PRKCE: variants seen among roughly 807,000 people sequenced by gnomAD.
PRKCE encodes the protein protein kinase C epsilon type.
PRKCE carries 16 observed loss-of-function variants against 85.4 expected under a neutral mutation model. The ratio of observed to expected loss-of-function variants is 0.19; its 90% CI spans 0.13 to 0.28. The LOEUF (loss-of-function observed/expected upper bound fraction) is 0.28, where lower values mean the gene tolerates loss of function less well. Ranked by LOEUF, PRKCE falls within the 10% of genes least tolerant of loss-of-function variation. The pLI is 1.00. For missense variants in PRKCE, 573 were observed against 975.2 expected (o/e 0.59, Z 5.49); for synonymous variants, 388 against 371.5 (o/e 1.04, Z -0.51).
chr2:45,941,222 C>T (rs919226199), intron 2 of PRKCE, among the ~76,000 whole-genome samples: 1 of 152,156 alleles, frequency 6.6e-6, no homozygotes, highest in African/African-American at 2.4e-5. Flanking sequence ...GCCACTTGCT[C>T]ATGGATTTAA....
intron 1 of PRKCE, among the ~76,000 whole-genome samples, chr2:45,776,331 T>C (rs1685746214): frequency 6.6e-6 from 1 of 152,224 alleles, no homozygotes. Context: ...CATCATTACT[T>C]GAATCCCCTA....
intron 10 of PRKCE, among the ~76,000 whole-genome samples, chr2:46,084,662 C>T (rs1350686735): frequency 2.1e-5 from 3 of 144,448 alleles, no homozygotes; most frequent in African/African-American, 7.7e-5. Flanking sequence ...TCAGAAGTTG[C>T]AGTGAGCTGA....
intron 14 of PRKCE, among the ~76,000 whole-genome samples, chr2:46,182,098 C>T (rs539330213): frequency 5.8e-4 from 88 of 152,282 alleles, no homozygotes; most frequent in African/African-American, 2.0e-3. Flanking sequence ...CCTTCGGCTC[C>T]AGCTCCCCCG....
chr2:45,838,315 G>C (rs1558734830), intron 1 of PRKCE, among the ~76,000 whole-genome samples: 1 of 152,216 alleles, frequency 6.6e-6, no homozygotes, highest in Non-Finnish European at 1.5e-5. Context: ...AAGCTCTGTT[G>C]ACCTCTCCTC....
chr2:45,719,789 G>A (rs1196784845), intron 1 of PRKCE, among the ~76,000 whole-genome samples: 1 of 152,078 alleles, frequency 6.6e-6, no homozygotes, highest in African/African-American at 2.4e-5. Context: ...GCCAAGTGCC[G>A]TGGCTCTTGC....
intron 14 of PRKCE, chr2:46,166,789 G>A (rs114348092): frequency 0.029 from 4,472 of 152,302 alleles, 81 homozygotes; most frequent in East Asian, 0.077. Context: ...TCAGGAGTTC[G>A]AGACAAGCCT....
intron 2 of PRKCE, among the ~76,000 whole-genome samples, chr2:45,918,120 C>G (rs1310272477): frequency 6.6e-6 from 1 of 152,238 alleles, no homozygotes; most frequent in Non-Finnish European, 1.5e-5. Flanking sequence ...AAAGGGGCTC[C>G]CAGAGTGCAG....
intron 2 of PRKCE, among the ~76,000 whole-genome samples, chr2:45,844,701 A>G (rs765280737): frequency 1.3e-5 from 2 of 152,240 alleles, no homozygotes; most frequent in African/African-American, 4.8e-5. Flanking sequence ...AATTAATTAA[A>G]TATGTATTTC....
intron 2 of PRKCE, among the ~76,000 whole-genome samples, chr2:45,973,174 G>A (rs1382291424): frequency 3.3e-5 from 5 of 152,328 alleles, no homozygotes; most frequent in Non-Finnish European, 5.9e-5. Flanking sequence ...CGTTTCTGGT[G>A]GTGGACTCCA....
At chr2:46,005,419 G>C (rs1705098519) in intron 8 of PRKCE, among the ~76,000 whole-genome samples, 1 of 152,104 alleles carries the variant, frequency 6.6e-6, no homozygotes, top group African/African-American at 2.4e-5. Context: ...GCCTGACAAT[G>C]GTGCCTTGGT....
chr2:45,929,441 C>A (rs748473221), intron 2 of PRKCE, among the ~76,000 whole-genome samples: 2 of 152,114 alleles, frequency 1.3e-5, no homozygotes, highest in Non-Finnish European at 2.9e-5. Context: ...TTTATCCCCC[C>A]ACGGGACTGA....
intron 2 of PRKCE, among the ~76,000 whole-genome samples, chr2:45,846,325 C>T (rs138972944): frequency 3.3e-5 from 5 of 152,310 alleles, no homozygotes; most frequent in African/African-American, 1.2e-4. Flanking sequence ...CCATGATTCA[C>T]AGGCTTACCG....
chr2:45,873,408 A>G (rs539166849), intron 2 of PRKCE, among the ~76,000 whole-genome samples: 1 of 151,894 alleles, frequency 6.6e-6, no homozygotes, highest in Non-Finnish European at 1.5e-5. Context: ...TTGTGGTACA[A>G]GCTGCATACG....
At chr2:45,792,804 A>G (rs993922476) in intron 1 of PRKCE, among the ~76,000 whole-genome samples, 11 of 152,096 alleles carry the variant, frequency 7.2e-5, no homozygotes, top group Admixed American at 2.0e-4. Flanking sequence ...ATAATTAATT[A>G]ATTTTTTTTG....
intron 10 of PRKCE, among the ~76,000 whole-genome samples, chr2:46,043,119 G>C (rs1368637938): frequency 1.4e-5 from 2 of 146,356 alleles, no homozygotes; most frequent in Non-Finnish European, 3.0e-5. Context: ...TTTTTTTCAA[G>C]GTGTTCTGTA....
chr2:45,732,849 A>C (rs1315132488), intron 1 of PRKCE, among the ~76,000 whole-genome samples: 2 of 152,252 alleles, frequency 1.3e-5, no homozygotes, highest in Admixed American at 6.5e-5. Context: ...AGTTCTCCTA[A>C]AGATGGTACA....
At chr2:45,948,202 C>T (rs1299394327) in intron 2 of PRKCE, among the ~76,000 whole-genome samples, 1 of 152,110 alleles carries the variant, frequency 6.6e-6, no homozygotes, top group African/African-American at 2.4e-5. Context: ...ATACCCATAA[C>T]GTGGCACATG....
intron 1 of PRKCE, among the ~76,000 whole-genome samples, chr2:45,744,473 C>CTT (rs762908645): frequency 0.013 from 519 of 38,938 alleles, 4 homozygotes; most frequent in African/African-American, 0.047. Flanking sequence ...TTCTTTCTTT[C>CTT]TTTCTTTCTT....
intron 1 of PRKCE, among the ~76,000 whole-genome samples, chr2:45,814,511 G>A (rs771085494): frequency 6.6e-6 from 1 of 152,184 alleles, no homozygotes; most frequent in Non-Finnish European, 1.5e-5. Context: ...AGGGATTTTA[G>A]AAATCTTTTA....
Sources: allele counts gnomAD v4.1 joint callset (sites outside exome capture counted in the v4.1 genomes callset), GRCh38; gene constraint gnomAD v4.1.1; transcripts MANE v1.5; gene names NCBI Gene and HGNC (gene_info 2026-07-23, HGNC 2026-07-21).